OXR1: variants seen among roughly 807,000 people sequenced by gnomAD.
The protein encoded by OXR1 is oxidation resistance protein 1.
Under a neutral mutation model 104.6 loss-of-function variants are expected in OXR1, and 41 were observed. The observed-to-expected ratio is 0.39, with a 90% CI of 0.31 to 0.51. The LOEUF (loss-of-function observed/expected upper bound fraction) is 0.51, where lower values mean the gene tolerates loss of function less well. OXR1 is among the 20% of genes least tolerant of loss of function. The pLI, the probability that OXR1 is intolerant of heterozygous loss-of-function variation, is 0.77. For missense variants in OXR1, 955 were observed against 1,031.9 expected (o/e 0.93, Z 1.02); for synonymous variants, 348 against 348.4 (o/e 1.00, Z 0.01).
intron 3 of OXR1, chr8:106,618,006 C>A: frequency 1.3e-6 from 2 of 1,486,236 alleles, no homozygotes; most frequent in Non-Finnish European, 8.9e-7. Context: ...ATCTTGCACA[C>A]TGCCACCAGG....
intron 3 of OXR1, among the ~76,000 whole-genome samples, chr8:106,524,765 G>A (rs1230174639): frequency 6.6e-6 from 1 of 152,168 alleles, no homozygotes; most frequent in Non-Finnish European, 1.5e-5. Context: ...CCATAGAGAT[G>A]GGAGAGAGGG....
intron 2 of OXR1, among the ~76,000 whole-genome samples, chr8:106,432,582 C>A (rs1478308490): frequency 6.6e-6 from 1 of 152,132 alleles, no homozygotes; most frequent in Non-Finnish European, 1.5e-5. Context: ...AGTCACCTCC[C>A]AATGAGGATG....
chr8:106,613,451 T>G (rs1425517478), intron 3 of OXR1, among the ~76,000 whole-genome samples: 1 of 152,190 alleles, frequency 6.6e-6, no homozygotes, highest in Non-Finnish European at 1.5e-5. Flanking sequence ...CAGCCTGGAG[T>G]GCAATGGCAC....
chr8:106,469,669 A>C (rs1821378924), intron 2 of OXR1, among the ~76,000 whole-genome samples: 1 of 151,854 alleles, frequency 6.6e-6, no homozygotes, highest in African/African-American at 2.4e-5. Context: ...CAGTATCATG[A>C]GTTGTATAAA....
At chr8:106,735,226 T>G (rs1233182691) in intron 11 of OXR1, among the ~76,000 whole-genome samples, 2 of 151,750 alleles carry the variant, frequency 1.3e-5, no homozygotes, top group East Asian at 3.9e-4. Context: ...TTTTTTTTTC[T>G]TACAGTTTTC....
At chr8:106,750,135 A>G (rs1835750499) in intron 16 of OXR1, among the ~76,000 whole-genome samples, 1 of 148,790 alleles carries the variant, frequency 6.7e-6, no homozygotes, top group South Asian at 2.1e-4. Context: ...AACCATACCG[A>G]AAAGATAAAC....
At chr8:106,431,806 T>C (rs1819370862) in intron 2 of OXR1, among the ~76,000 whole-genome samples, 1 of 152,238 alleles carries the variant, frequency 6.6e-6, no homozygotes, top group Non-Finnish European at 1.5e-5. Flanking sequence ...AGTATTATTC[T>C]TCTGGGAAAA....
intron 4 of OXR1, among the ~76,000 whole-genome samples, chr8:106,680,371 T>C (rs1306172765): frequency 6.6e-6 from 1 of 152,174 alleles, no homozygotes; most frequent in Non-Finnish European, 1.5e-5. Flanking sequence ...ATGAAAAATT[T>C]AGATATATAC....
chr8:106,273,825 T>C (rs923328291), intron 1 of OXR1, among the ~76,000 whole-genome samples: 4 of 152,218 alleles, frequency 2.6e-5, no homozygotes, highest in African/African-American at 4.8e-5. Context: ...TTAAGACATA[T>C]TGAGAATTTC....
intron 11 of OXR1, among the ~76,000 whole-genome samples, chr8:106,736,932 T>C (rs1258892492): frequency 6.6e-6 from 1 of 152,190 alleles, no homozygotes; most frequent in Non-Finnish European, 1.5e-5. Flanking sequence ...TAGACATACT[T>C]TTGAAAATCT....
intron 1 of OXR1, among the ~76,000 whole-genome samples, chr8:106,276,428 AT>A (rs1397982667): frequency 6.6e-6 from 1 of 152,214 alleles, no homozygotes; most frequent in East Asian, 1.9e-4. Context: ...AGGCACAGAC[AT>A]TTAGGGAAGA....
intron 1 of OXR1, among the ~76,000 whole-genome samples, chr8:106,300,141 G>C (rs1227639976): frequency 1.3e-5 from 2 of 152,108 alleles, no homozygotes; most frequent in Admixed American, 6.6e-5. Flanking sequence ...AGAGAAATTG[G>C]AGATATTTGA....
At chr8:106,674,039 T>C (rs1473375707) in intron 3 of OXR1, among the ~76,000 whole-genome samples, 1 of 152,234 alleles carries the variant, frequency 6.6e-6, no homozygotes, top group Non-Finnish European at 1.5e-5. Flanking sequence ...CTAGAGTCTC[T>C]ACTGGGGCCC....
intron 3 of OXR1, among the ~76,000 whole-genome samples, chr8:106,521,976 C>T (rs1048406030): frequency 6.6e-6 from 1 of 152,120 alleles, no homozygotes; most frequent in African/African-American, 2.4e-5. Context: ...GTTTATACTC[C>T]TGGAAAACTC....
chr8:106,652,042 T>C (rs892482950), intron 3 of OXR1, among the ~76,000 whole-genome samples: 2 of 152,188 alleles, frequency 1.3e-5, no homozygotes, highest in Non-Finnish European at 2.9e-5. Context: ...ATTTTCTTAA[T>C]TTCATTTTTG....
chr8:106,367,154 C>T (rs187955239), intron 2 of OXR1, among the ~76,000 whole-genome samples: 48 of 151,582 alleles, frequency 3.2e-4, no homozygotes, highest in African/African-American at 9.9e-4. Context: ...CCTCGCCTCC[C>T]GGGTTCAAGG....
chr8:106,373,627 T>C (rs762380819), intron 2 of OXR1, among the ~76,000 whole-genome samples: 5 of 152,194 alleles, frequency 3.3e-5, no homozygotes, highest in Non-Finnish European at 7.3e-5. Flanking sequence ...TCTCCCTCTG[T>C]CACCCAGGCT....
chr8:106,341,951 T>C (rs1815271044), intron 1 of OXR1, among the ~76,000 whole-genome samples: 1 of 151,620 alleles, frequency 6.6e-6, no homozygotes, highest in Non-Finnish European at 1.5e-5. Flanking sequence ...TTATAGCTCA[T>C]TGCATCCTTG....
At chr8:106,728,691 T>C (rs1297746211) in intron 11 of OXR1, among the ~76,000 whole-genome samples, 1 of 152,200 alleles carries the variant, frequency 6.6e-6, no homozygotes, top group East Asian at 1.9e-4. Flanking sequence ...ATCATTCATT[T>C]ATTTGAAGCT....
Sources: gnomAD v4.1 joint callset for allele counts (sites outside exome capture counted in the v4.1 genomes callset) on GRCh38, gnomAD v4.1.1 for gene constraint, MANE v1.5 for transcripts, NCBI Gene and HGNC (gene_info 2026-07-23, HGNC 2026-07-21) for gene names.